Variants in NME7 observed in about 807,000 individuals in gnomAD.
NME7 encodes NME/NM23 family member 7.
In NME7, 41 loss-of-function variants were observed where a neutral mutation model predicts 49.1. The ratio of observed to expected loss-of-function variants is 0.83; its 90% CI spans 0.65 to 1.08. The LOEUF is 1.08. Ranked by LOEUF, NME7 falls within the 50% of genes least tolerant of loss-of-function variation. The probability of loss-of-function intolerance (pLI) is 0.00; values close to 1 mark genes in which losing one functional copy is unlikely to be tolerated. For synonymous variants in NME7, 139 were observed against 150.6 expected (o/e 0.92, Z 0.56); for missense variants, 423 against 463.4 (o/e 0.91, Z 0.80).
chr1:169,155,465 AT>A (rs922291870), intron 11 of NME7, among the ~76,000 whole-genome samples: 1 of 152,208 alleles, frequency 6.6e-6, no homozygotes, highest in African/African-American at 2.4e-5. Flanking sequence ...GGATTCTATT[AT>A]TGTTTTAAAA....
rs576835085 is a variant in NME7, at chr1:169,252,794, C to G, written c.755-15107G>C. 9.6e-4 allele frequency among the ~76,000 whole-genome samples: 142 copies of G among 147,798 alleles called. 1 individual carries two copies. The highest frequency in any genetic ancestry group is 3.2e-3 in the African/African-American group (128 of 40,018). On this transcript the variant is annotated intron_variant, in intron 7 of 11. Transcript: ENST00000367811. Reference sequence around the variant, plus strand: ...TTTCTACATATGGCTAGCCAGTTTTCCCAGCACCATTTATTAAATAGGGAA... The same window carrying G: ...TTTCTACATATGGCTAGCCAGTTTTGCCAGCACCATTTATTAAATAGGGAA...
intron 10 of NME7, among the ~76,000 whole-genome samples, chr1:169,179,628 A>C (rs552717403): frequency 1.4e-4 from 22 of 152,352 alleles, no homozygotes; most frequent in Non-Finnish European, 2.9e-4. Context: ...TGCAGCCATA[A>C]AAAGGAACAA....
At chr1:169,206,410 C>T (rs1007394452) in intron 10 of NME7, among the ~76,000 whole-genome samples, 3 of 151,948 alleles carry the variant, frequency 2.0e-5, no homozygotes, top group Admixed American at 2.0e-4. Context: ...ACCTCAGAGG[C>T]CTGGAACACG....
chr1:169,190,178 A>C (rs752886775), intron 10 of NME7, among the ~76,000 whole-genome samples: 9 of 152,062 alleles, frequency 5.9e-5, no homozygotes, highest in Non-Finnish European at 1.3e-4. Context: ...TGGTCTCTGC[A>C]ACATCCTCTT....
At chr1:169,245,017 T>C (rs1648250815) in intron 7 of NME7, among the ~76,000 whole-genome samples, 1 of 152,104 alleles carries the variant, frequency 6.6e-6, no homozygotes, top group African/African-American at 2.4e-5. Context: ...TAATCCCAGC[T>C]ACCTGGGAGG....
At chr1:169,217,960 A>T (rs1661018307) in intron 10 of NME7, among the ~76,000 whole-genome samples, 1 of 152,016 alleles carries the variant, frequency 6.6e-6, no homozygotes, top group South Asian at 2.1e-4. Flanking sequence ...TTCTACCCAC[A>T]CCACCACCAC....
At chr1:169,254,399 T>C (rs6698149) in intron 7 of NME7, among the ~76,000 whole-genome samples, 15,534 of 151,476 alleles carry the variant, frequency 0.1, 830 homozygotes, top group Admixed American at 0.12. Context: ...TCTGTGGGAT[T>C]GGTGGTGATA....
At chr1:169,176,439 G>C (rs1659752569) in intron 10 of NME7, among the ~76,000 whole-genome samples, 1 of 152,092 alleles carries the variant, frequency 6.6e-6, no homozygotes, top group Non-Finnish European at 1.5e-5. Context: ...TAAAACATCA[G>C]GCTTGTGGAC....
intron 7 of NME7, among the ~76,000 whole-genome samples, chr1:169,279,937 C>G (rs1649934133): frequency 6.6e-6 from 1 of 152,218 alleles, no homozygotes; most frequent in Non-Finnish European, 1.5e-5. Context: ...GTGAATCTGT[C>G]TTTACAGCAG....
intron 7 of NME7, among the ~76,000 whole-genome samples, chr1:169,280,829 T>G (rs7522781): frequency 0.12 from 16,395 of 139,054 alleles, 1,769 homozygotes; most frequent in East Asian, 0.6. Context: ...TGTTTTGGTA[T>G]AAGTACCATG....
At chr1:169,200,443 C>T (rs1660514925) in intron 10 of NME7, among the ~76,000 whole-genome samples, 1 of 152,080 alleles carries the variant, frequency 6.6e-6, no homozygotes, top group South Asian at 2.1e-4. Context: ...GATGTTTTAA[C>T]ATCTGGGGCC....
chr1:169,234,963 A>ATCT (rs1483247413), intron 9 of NME7, among the ~76,000 whole-genome samples, 168 bp downstream of exon 9: 2 of 152,146 alleles, frequency 1.3e-5, no homozygotes, highest in Non-Finnish European at 2.9e-5. Context: ...ATTTCTCAGA[A>ATCT]GGTCAGATAA....
chr1:169,229,194 T>TA (rs1374808635), intron 10 of NME7, among the ~76,000 whole-genome samples: 1 of 152,266 alleles, frequency 6.6e-6, no homozygotes, highest in Non-Finnish European at 1.5e-5. Context: ...CACCCATCTC[T>TA]ACCAGAATTC....
intron 11 of NME7, among the ~76,000 whole-genome samples, chr1:169,143,924 G>A (rs974381471): frequency 1.3e-5 from 2 of 151,822 alleles, no homozygotes; most frequent in Non-Finnish European, 2.9e-5. Context: ...AATAAGCTAC[G>A]GACCATTTCC....
At chr1:169,276,789 A>G (rs192262848) in intron 7 of NME7, among the ~76,000 whole-genome samples, 3,805 of 134,390 alleles carry the variant, frequency 0.028, 282 homozygotes, top group African/African-American at 0.09. Flanking sequence ...TAGGGTGTCA[A>G]TTTTGGATCT....
intron 7 of NME7, among the ~76,000 whole-genome samples, chr1:169,249,570 G>A (rs367870593): frequency 2.6e-5 from 4 of 152,018 alleles, no homozygotes; most frequent in African/African-American, 7.2e-5. Context: ...GTTCTCAAGG[G>A]GAATACTTTC....
chr1:169,143,025 T>C (rs1658643996), intron 11 of NME7, among the ~76,000 whole-genome samples: 1 of 152,196 alleles, frequency 6.6e-6, no homozygotes, highest in African/African-American at 2.4e-5. Context: ...TAAATTAAAG[T>C]ACATGGTATC....
chr1:169,258,095 TG>T (rs2101859068), intron 7 of NME7, among the ~76,000 whole-genome samples: 1 of 132,080 alleles, frequency 7.6e-6, no homozygotes, highest in Admixed American at 7.5e-5. Flanking sequence ...TCCAACACTT[TG>T]AGGGGCCAAG....
chr1:169,132,834 C>CATA lies in NME7; in HGVS notation c.1099-20_1099-18dup, dbSNP rs1355600204. ...GTATTGAACCTGAAACGGAGAAACA[C>CATA]ATAATTTCTTAGTTCAGACAAATTT... On this transcript the variant is annotated splice_polypyrimidine_tract_variant and intron_variant, in intron 11 of 11. Coordinates refer to ENST00000367811, the MANE Select transcript of NME7 (RefSeq NM_013330.5). The CATA allele has an allele frequency of 1.9e-6, 3 of 1,612,078 alleles. No homozygotes were observed. Among genetic ancestry groups the CATA allele is most frequent in the Non-Finnish European group, 2.5e-6 (3 of 1,179,182 alleles).
Sources: gnomAD v4.1 joint callset for allele counts (sites outside exome capture counted in the v4.1 genomes callset) on GRCh38, gnomAD v4.1.1 for gene constraint, MANE v1.5 for transcripts, NCBI Gene and HGNC (gene_info 2026-07-23, HGNC 2026-07-21) for gene names.